Variants in TANC2 observed in about 807,000 individuals in gnomAD.
TANC2 encodes tetratricopeptide repeat, ankyrin repeat and coiled-coil containing 2, also known as protein TANC2.
In TANC2, 26 loss-of-function variants were observed where a neutral mutation model predicts 210.5. That is an observed-to-expected ratio of 0.12 (90% CI 0.09 to 0.17). The LOEUF is 0.17. Ranked by LOEUF, TANC2 falls within the 10% of genes least tolerant of loss-of-function variation. TANC2 has a pLI of 1.00. For missense variants in TANC2, 2,129 were observed against 2,608.9 expected (o/e 0.82, Z 4.01); for synonymous variants, 931 against 967.1 (o/e 0.96, Z 0.69).
chr17:63,090,252 G>A (rs1350978071), intron 3 of TANC2, among the ~76,000 whole-genome samples: 5 of 139,222 alleles, frequency 3.6e-5, no homozygotes, highest in Non-Finnish European at 6.1e-5. Context: ...TAGGGTACAT[G>A]TGCACAATGT....
intron 12 of TANC2, among the ~76,000 whole-genome samples, chr17:63,346,841 G>A (rs2046427128): frequency 6.6e-6 from 1 of 151,898 alleles, no homozygotes; most frequent in Non-Finnish European, 1.5e-5. Flanking sequence ...AGTAACCGGG[G>A]GCTACAGGCA....
chr17:63,381,246 A>G (rs200824950), intron 15 of TANC2: 1 of 152,204 alleles, frequency 6.6e-6, no homozygotes, highest in East Asian at 1.9e-4. Context: ...CCCTCCTGTC[A>G]TTAGCACAGT....
chr17:63,028,458 T>A (rs1052187528), intron 2 of TANC2, among the ~76,000 whole-genome samples: 1 of 152,106 alleles, frequency 6.6e-6, no homozygotes, highest in East Asian at 1.9e-4. Context: ...AGTAGTAAAT[T>A]GTAAAAACAT....
intron 1 of TANC2, among the ~76,000 whole-genome samples, chr17:62,976,004 A>C (rs1389888873): frequency 6.6e-6 from 1 of 152,178 alleles, no homozygotes; most frequent in Non-Finnish European, 1.5e-5. Flanking sequence ...GGCATTTTAG[A>C]AACCCATGGT....
intron 21 of TANC2, among the ~76,000 whole-genome samples, chr17:63,408,581 A>G (rs917476877): frequency 6.6e-6 from 1 of 152,264 alleles, no homozygotes; most frequent in South Asian, 2.1e-4. Flanking sequence ...ATTTAAACTT[A>G]TTCCATATTA....
In TANC2 at chr17:63,421,035, G is replaced by C. The variant is rs567268087; in HGVS notation, c.5305G>C (p.Ala1769Pro). Residue 1769 changes from alanine (A) to proline (P), a missense_variant, in exon 28 of 28, where the codon GCC becomes CCC. Coordinates refer to ENST00000689528, the Ensembl canonical transcript of TANC2. This position sits in a 1 kb window ranked among gnomAD's most constrained non-coding sequence, Gnocchi z 6.9. ...TGTCCAAGCCAGCCTGAGTGCAGGC[G>C]CCATCTGTCAGCATGGAGGATTGAC... The C allele has an allele frequency of 6.2e-7, 1 of 1,613,822 alleles. No individual in the cohort carries two copies. Among genetic ancestry groups the C allele is most frequent in the South Asian group, 1.1e-5 (1 of 91,084 alleles).
At chr17:63,327,998 C>G (rs144915919) in intron 11 of TANC2, among the ~76,000 whole-genome samples, 21,550 of 152,172 alleles carry the variant, frequency 0.14, 1,973 homozygotes, top group Middle Eastern at 0.21. Flanking sequence ...TTGTTCAATT[C>G]CCACCTATGA....
At chr17:63,316,467 C>T (rs2045316583) in intron 10 of TANC2, among the ~76,000 whole-genome samples, 1 of 152,114 alleles carries the variant, frequency 6.6e-6, no homozygotes, top group African/African-American at 2.4e-5. Flanking sequence ...TTATAGAAAA[C>T]AGCCCATGTA....
At chr17:62,997,673 A>G (rs1031888365) in intron 1 of TANC2, among the ~76,000 whole-genome samples, 2 of 152,184 alleles carry the variant, frequency 1.3e-5, no homozygotes, top group Admixed American at 6.5e-5. Flanking sequence ...TTAATGTATT[A>G]CTTTACATTA....
intron 1 of TANC2, among the ~76,000 whole-genome samples, chr17:63,008,966 G>A (rs2033746278): frequency 6.6e-6 from 1 of 152,118 alleles, no homozygotes; most frequent in Non-Finnish European, 1.5e-5. Context: ...CTATTGCTCT[G>A]CATCCTCAGT....
At chr17:63,185,121 A>C (rs1011330717) in intron 5 of TANC2, among the ~76,000 whole-genome samples, 2 of 151,854 alleles carry the variant, frequency 1.3e-5, no homozygotes, top group African/African-American at 4.8e-5. Flanking sequence ...TACCCACCTG[A>C]GTAGCTGGGA....
At chr17:63,145,829 G>T (rs2039444366) in intron 4 of TANC2, among the ~76,000 whole-genome samples, 1 of 152,070 alleles carries the variant, frequency 6.6e-6, no homozygotes, top group South Asian at 2.1e-4. Flanking sequence ...ATCAGAAAGT[G>T]TGAGAAATCC....
exon 4 of TANC2, chr17:63,099,261 C>T (rs1434240270): frequency 1.9e-6 from 3 of 1,606,174 alleles, no homozygotes; most frequent in East Asian, 2.2e-5. Context: ...GCAGCACATT[C>T]GGATTATGGA....
exon 12 of TANC2, chr17:63,340,172 T>C (rs568390734): frequency 1.9e-6 from 3 of 1,613,968 alleles, no homozygotes; most frequent in Non-Finnish European, 2.5e-6. Flanking sequence ...TCCACAATGT[T>C]GCTGCCTTGC....
intron 4 of TANC2, chr17:63,149,733 T>C (rs754460229): frequency 2.6e-5 from 4 of 152,164 alleles, no homozygotes; most frequent in Non-Finnish European, 4.4e-5. Flanking sequence ...AGCCTGCATA[T>C]ATACATATAA....
intron 1 of TANC2, among the ~76,000 whole-genome samples, chr17:62,980,468 A>T (rs956146921): frequency 2.0e-5 from 3 of 152,206 alleles, no homozygotes; most frequent in African/African-American, 4.8e-5. Context: ...CAGATTTGGG[A>T]TGCTCTGTGG....
chr17:63,398,693 T>C (rs985256957), intron 18 of TANC2, 128 bp from the exon 19 acceptor site: 3 of 580,748 alleles, frequency 5.2e-6, no homozygotes, highest in East Asian at 5.9e-5. Context: ...CGGTCAATTC[T>C]GATTCCTTTT....
chr17:63,405,969 A>T (rs2048491347), intron 20 of TANC2, among the ~76,000 whole-genome samples, 185 bp from the exon 21 acceptor site: 1 of 152,190 alleles, frequency 6.6e-6, no homozygotes, highest in Non-Finnish European at 1.5e-5. Context: ...TTCTCATTTG[A>T]CTGTCCCTGA....
intron 4 of TANC2, among the ~76,000 whole-genome samples, chr17:63,109,253 A>C (rs1311446916): frequency 6.6e-6 from 1 of 151,714 alleles, no homozygotes; most frequent in Non-Finnish European, 1.5e-5. Context: ...GTACTTGATC[A>C]GTAAAGCCAG....
Sources: allele counts gnomAD v4.1 joint callset (sites outside exome capture counted in the v4.1 genomes callset), GRCh38; gene constraint gnomAD v4.1.1; non-coding constraint Gnocchi (gnomAD v3.1); transcripts MANE v1.5; gene names NCBI Gene and HGNC (gene_info 2026-07-23, HGNC 2026-07-21).